SMAP1: variants seen among roughly 807,000 people sequenced by gnomAD.
SMAP1 encodes the protein small ArfGAP 1.
SMAP1 carries 24 observed loss-of-function variants against 58.5 expected under a neutral mutation model. That is an observed-to-expected ratio of 0.41 (90% CI 0.30 to 0.58). SMAP1 has a LOEUF of 0.58. Among genes scored for constraint, SMAP1 ranks in the 20% least tolerant of loss-of-function variants. SMAP1 has a pLI of 0.29. For missense variants in SMAP1, 563 were observed against 566.3 expected (o/e 0.99, Z 0.06); for synonymous variants, 216 against 196.6 (o/e 1.10, Z -0.82).
At chr6:70,713,833 G>T (rs961334710) in intron 1 of SMAP1, among the ~76,000 whole-genome samples, 3 of 152,066 alleles carry the variant, frequency 2.0e-5, no homozygotes, top group African/African-American at 7.2e-5. Context: ...TGTTGAAAAT[G>T]GGGTACTGAA....
At chr6:70,786,920 G>T (rs1768064045) in intron 4 of SMAP1, among the ~76,000 whole-genome samples, 1 of 152,168 alleles carries the variant, frequency 6.6e-6, no homozygotes, top group Admixed American at 6.5e-5. Flanking sequence ...AGCTACCACT[G>T]ACTTTCTTCA....
chr6:70,798,807 T>A, intron 6 of SMAP1, 70 bp downstream of exon 6: 1 of 1,157,188 alleles, frequency 8.6e-7, no homozygotes, highest in Non-Finnish European at 1.2e-6. Context: ...TATTAATGAC[T>A]TTCTGGATAT....
chr6:70,765,733 TTTTA>T (rs1766945082), intron 3 of SMAP1, among the ~76,000 whole-genome samples: 2 of 152,008 alleles, frequency 1.3e-5, no homozygotes, highest in East Asian at 1.9e-4. Flanking sequence ...TTTTTTTATT[TTTTA>T]TTTATTTTTA....
chr6:70,743,965 G>A (rs1248148671), intron 2 of SMAP1, among the ~76,000 whole-genome samples: 1 of 152,110 alleles, frequency 6.6e-6, no homozygotes, highest in African/African-American at 2.4e-5. Context: ...GAATGTGCAA[G>A]ATTATGCCCT....
chr6:70,780,360 G>C (rs1241723785), intron 4 of SMAP1, among the ~76,000 whole-genome samples: 2 of 152,156 alleles, frequency 1.3e-5, no homozygotes, highest in African/African-American at 4.8e-5. Flanking sequence ...AGGATCGCTT[G>C]AGTCCAGGAG....
At chr6:70,828,513 C>A (rs897658058) in intron 6 of SMAP1, among the ~76,000 whole-genome samples, 1 of 152,204 alleles carries the variant, frequency 6.6e-6, no homozygotes, top group Non-Finnish European at 1.5e-5. Context: ...CCACCTACAA[C>A]AATGGTGGTC....
At chr6:70,801,801 G>A (rs1174185159) in intron 6 of SMAP1, among the ~76,000 whole-genome samples, 3 of 152,160 alleles carry the variant, frequency 2.0e-5, no homozygotes, top group Admixed American at 2.0e-4. Flanking sequence ...TTTTTGTCAA[G>A]TTTGTCAAAG....
intron 1 of SMAP1, among the ~76,000 whole-genome samples, chr6:70,722,431 A>G (rs921582617): frequency 3.3e-5 from 5 of 152,162 alleles, no homozygotes; most frequent in Non-Finnish European, 5.9e-5. Flanking sequence ...TCCTCCTTTC[A>G]TATTTACTAG....
At chr6:70,821,571 A>G (rs1439031255) in intron 6 of SMAP1, among the ~76,000 whole-genome samples, 1 of 152,196 alleles carries the variant, frequency 6.6e-6, no homozygotes, top group East Asian at 1.9e-4. Context: ...CTGAAAAAAT[A>G]TTGACTACTA....
At chr6:70,783,440 A>T (rs1195047955) in intron 4 of SMAP1, among the ~76,000 whole-genome samples, 1 of 152,224 alleles carries the variant, frequency 6.6e-6, no homozygotes, top group Non-Finnish European at 1.5e-5. Flanking sequence ...CAACGGAACA[A>T]TGCTGGACAG....
intron 1 of SMAP1, among the ~76,000 whole-genome samples, chr6:70,685,373 C>T (rs1276477039): frequency 2.0e-5 from 3 of 151,668 alleles, no homozygotes; most frequent in African/African-American, 4.8e-5. Context: ...CCTACCTTGC[C>T]CTGAGGAGCC....
At chr6:70,859,339 A>G in intron 10 of SMAP1, 4 of 1,548,108 alleles carry the variant, frequency 2.6e-6, no homozygotes, top group Non-Finnish European at 3.5e-6. Context: ...ATAATGCAGA[A>G]GGGTGATGCT....
At chr6:70,721,083 A>C (rs1768504080) in intron 1 of SMAP1, among the ~76,000 whole-genome samples, 1 of 152,198 alleles carries the variant, frequency 6.6e-6, no homozygotes, top group Non-Finnish European at 1.5e-5. Flanking sequence ...GCTCCTTGCT[A>C]CTTATGCAAA....
At chr6:70,694,218 A>C in intron 1 of SMAP1, 1 of 277,178 alleles carries the variant, frequency 3.6e-6, no homozygotes, top group South Asian at 4.0e-5. Context: ...AAGGCATCTC[A>C]AGAGATTTAT....
At chr6:70,697,391 C>T (rs1260447551) in intron 1 of SMAP1, among the ~76,000 whole-genome samples, 3 of 151,792 alleles carry the variant, frequency 2.0e-5, no homozygotes, top group East Asian at 1.9e-4. Flanking sequence ...CTGCAACCTC[C>T]GCCTCCTAGG....
chr6:70,779,911 A>G (rs1767692459), intron 4 of SMAP1, among the ~76,000 whole-genome samples: 1 of 152,152 alleles, frequency 6.6e-6, no homozygotes, highest in African/African-American at 2.4e-5. Context: ...GACCATAGTA[A>G]ATCAGTTGCT....
At chr6:70,837,874 A>G in intron 7 of SMAP1, 1 of 1,229,478 alleles carries the variant, frequency 8.1e-7, no homozygotes, top group Non-Finnish European at 1.0e-6. Context: ...AATTGATCCT[A>G]GTTGTTATTG....
At chr6:70,668,512 C>G (rs1365238975) in intron 1 of SMAP1, 1 of 1,496,316 alleles carries the variant, frequency 6.7e-7, no homozygotes, top group Admixed American at 2.3e-5. Flanking sequence ...AGTTGCCCTC[C>G]TAGCTCTGCT....
chr6:70,814,873 T>C (rs759169134), intron 6 of SMAP1, among the ~76,000 whole-genome samples: 21 of 152,140 alleles, frequency 1.4e-4, no homozygotes, highest in Admixed American at 5.2e-4. Context: ...TACCATCTTA[T>C]CAACACACTG....
Sources: gnomAD v4.1 joint callset for allele counts (sites outside exome capture counted in the v4.1 genomes callset) on GRCh38, gnomAD v4.1.1 for gene constraint, MANE v1.5 for transcripts, NCBI Gene and HGNC (gene_info 2026-07-23, HGNC 2026-07-21) for gene names.